The following NEO1 variants were observed in gnomAD, a reference collection of about 807,000 sequenced individuals.
NEO1 encodes the protein neogenin 1, also known as neogenin.
NEO1 carries 63 observed loss-of-function variants against 159.7 expected under a neutral mutation model. That is an observed-to-expected ratio of 0.39 (90% confidence interval 0.32 to 0.49). The LOEUF (loss-of-function observed/expected upper bound fraction) is 0.49. Ranked by LOEUF, NEO1 falls within the 20% of genes least tolerant of loss-of-function variation. The pLI is 0.85. For missense variants in NEO1, 1,615 were observed against 1,831.0 expected (o/e 0.88, Z 2.15); for synonymous variants, 633 against 662.0 (o/e 0.96, Z 0.67).
chr15:73,085,086 G>C (rs1595936989), intron 1 of NEO1, among the ~76,000 whole-genome samples: 2 of 135,646 alleles, frequency 1.5e-5, no homozygotes, highest in East Asian at 4.2e-4. Flanking sequence ...CATTAGTTCA[G>C]TTAAAAAAGT....
chr15:73,092,052 G>A (rs927799743), intron 1 of NEO1, among the ~76,000 whole-genome samples: 5 of 152,088 alleles, frequency 3.3e-5, no homozygotes, highest in African/African-American at 1.2e-4. Context: ...GAAATTACAT[G>A]GGTAATCTCC....
At position 73,249,135 on chromosome 15, in the gene NEO1, C is replaced by T; in HGVS notation, c.1682C>T (p.Thr561Ile). The change falls in exon 10 of 29, where the codon ACA (threonine) becomes ATA (isoleucine). Residue 561 changes from threonine to isoleucine, a missense_variant. Around this residue, in one of 3 missense-constraint regions of NEO1, gnomAD observed 1,018 missense variants for 1,115.4 expected, o/e 0.91. Transcript: ENST00000261908. ...SPTSITVTWE[T>I]PVSGNGEIQN... is the part of the protein sequence containing the mutation. ...ACCTCCATCACTGTTACGTGGGAAA[C>T]ACCAGTGTCTGGCAATGGGGAAATT... 3 of 1,614,040 alleles carry T rather than the reference C, an allele frequency of 1.9e-6. No individual in the cohort carries two copies. The highest frequency in any genetic ancestry group is 1.7e-6 in the Non-Finnish European group (2 of 1,179,906).
At chr15:73,247,659 A>G (rs2039865484) in intron 9 of NEO1, among the ~76,000 whole-genome samples, 1 of 152,238 alleles carries the variant, frequency 6.6e-6, no homozygotes, top group South Asian at 2.1e-4. Context: ...TGTGTTTTAC[A>G]TTTTGTTAGC....
At chr15:73,071,796 G>A (rs899574274) in intron 1 of NEO1, among the ~76,000 whole-genome samples, 2 of 152,172 alleles carry the variant, frequency 1.3e-5, no homozygotes, top group Non-Finnish European at 2.9e-5. Flanking sequence ...GATTACAGGT[G>A]TAAGCCACCA....
chr15:73,135,159 T>C (rs1051119195), intron 4 of NEO1, among the ~76,000 whole-genome samples: 6 of 152,232 alleles, frequency 3.9e-5, no homozygotes, highest in African/African-American at 1.4e-4. Context: ...TTGTTCACTT[T>C]ATACAAATTT....
intron 25 of NEO1, among the ~76,000 whole-genome samples, chr15:73,289,707 C>T (rs1289524672): frequency 6.6e-6 from 1 of 152,060 alleles, no homozygotes; most frequent in African/African-American, 2.4e-5. Context: ...TTTTGGGAGA[C>T]CAAAGTGGGA....
intron 5 of NEO1, among the ~76,000 whole-genome samples, chr15:73,163,469 A>T (rs1039166689): frequency 6.6e-6 from 1 of 152,068 alleles, no homozygotes; most frequent in Non-Finnish European, 1.5e-5. Context: ...ATACATGTAC[A>T]TCTACAAATA....
At chr15:73,110,729 A>G (rs2151574130) in intron 1 of NEO1, among the ~76,000 whole-genome samples, 1 of 152,324 alleles carries the variant, frequency 6.6e-6, no homozygotes. Context: ...TAGGATCATT[A>G]AACCTATTTC....
chr15:73,146,682 G>T (rs1015244127), intron 5 of NEO1, among the ~76,000 whole-genome samples: 1 of 152,098 alleles, frequency 6.6e-6, no homozygotes, highest in African/African-American at 2.4e-5. Context: ...CTTCAGAAGA[G>T]AACTTTCAGA....
chr15:73,212,266 C>T (rs2037624569), intron 7 of NEO1, among the ~76,000 whole-genome samples: 2 of 152,182 alleles, frequency 1.3e-5, no homozygotes, highest in Admixed American at 6.5e-5. Context: ...CTCCATCCCC[C>T]ATATCATCCT....
chr15:73,192,591 A>G (rs1019990270), intron 7 of NEO1, among the ~76,000 whole-genome samples: 1 of 151,974 alleles, frequency 6.6e-6, no homozygotes, highest in Non-Finnish European at 1.5e-5. Context: ...ATAAATCTCT[A>G]AGTAACCTAA....
chr15:73,144,176 G>A (rs2032679499), intron 5 of NEO1, among the ~76,000 whole-genome samples: 1 of 152,092 alleles, frequency 6.6e-6, no homozygotes, highest in Admixed American at 6.5e-5. Flanking sequence ...AAGTTATTCT[G>A]GAGGAAGATG....
chr15:73,253,296 T>C (rs1398690363), intron 11 of NEO1, 104 bp from the exon 12 acceptor site: 1 of 591,070 alleles, frequency 1.7e-6, no homozygotes, highest in Non-Finnish European at 2.9e-6. Flanking sequence ...ACGTAATCAG[T>C]GTTTGAGATG....
intron 1 of NEO1, among the ~76,000 whole-genome samples, chr15:73,094,606 C>T (rs189580809): frequency 3.3e-5 from 5 of 152,194 alleles, no homozygotes; most frequent in South Asian, 2.1e-4. Flanking sequence ...GATTGGTATA[C>T]GTTTTAAGTT....
chr15:73,095,538 C>G (rs1472742665), intron 1 of NEO1, among the ~76,000 whole-genome samples: 1 of 152,084 alleles, frequency 6.6e-6, no homozygotes, highest in Admixed American at 6.6e-5. Context: ...CAGAAACTTT[C>G]ACCAACAATT....
intron 7 of NEO1, among the ~76,000 whole-genome samples, chr15:73,184,327 T>C (rs569761864): frequency 6.6e-6 from 1 of 152,116 alleles, no homozygotes; most frequent in Non-Finnish European, 1.5e-5. Context: ...GGCTAACTTT[T>C]GTATTTTTAG....
intron 2 of NEO1, among the ~76,000 whole-genome samples, chr15:73,118,280 A>G (rs1485650968): frequency 6.6e-6 from 1 of 151,840 alleles, no homozygotes; most frequent in African/African-American, 2.4e-5. Context: ...TCCAGTCTCC[A>G]CCCTGTCTAG....
At chr15:73,099,414 C>T (rs1375756709) in intron 1 of NEO1, among the ~76,000 whole-genome samples, 3 of 152,134 alleles carry the variant, frequency 2.0e-5, no homozygotes, top group Non-Finnish European at 4.4e-5. Context: ...GGTTTACAGA[C>T]CTTGTGAGAC....
At chr15:73,157,324 G>A (rs1453063513) in intron 5 of NEO1, among the ~76,000 whole-genome samples, 1 of 152,196 alleles carries the variant, frequency 6.6e-6, no homozygotes, top group East Asian at 1.9e-4. Flanking sequence ...GCCTGGCACT[G>A]CCACTTGTTC....
Sources: allele counts gnomAD v4.1 joint callset (sites outside exome capture counted in the v4.1 genomes callset), GRCh38; gene constraint gnomAD v4.1.1; regional missense constraint gnomAD v4.1.1; transcripts MANE v1.5; gene names NCBI Gene and HGNC (gene_info 2026-07-23, HGNC 2026-07-21).